COL6A3: variants seen among roughly 807,000 people sequenced by gnomAD.
The protein encoded by COL6A3 is collagen type VI alpha 3 chain, also known as collagen alpha-3(VI) chain.
A neutral mutation model predicts 274.1 loss-of-function variants in COL6A3; 137 were observed. The observed-to-expected ratio is 0.50, with a 90% CI of 0.44 to 0.58. COL6A3 has a LOEUF of 0.58. Among genes scored for constraint, COL6A3 ranks in the 20% least tolerant of loss-of-function variants. COL6A3 has a pLI of 0.00. For synonymous variants in COL6A3, 1,650 were observed against 1,650.6 expected (o/e 1.00, Z 0.01); for missense variants, 3,950 against 4,124.9 (o/e 0.96, Z 1.16).
chr2:237,336,174 T>C lies in COL6A3; in HGVS notation c.8926A>G (p.Lys2976Glu). Residue 2976 changes from lysine to glutamate, a missense_variant, in exon 40 of 44, where the codon AAA becomes GAA. Coordinates refer to ENST00000295550, the MANE Select transcript of COL6A3 (RefSeq NM_004369.4). Reference protein sequence around the residue: ...KPEVPRPQAAKPAATKPATTK... With the variant: ...KPEVPRPQAAEPAATKPATTK... ...GTGGCTGGCTTGGTGGCAGCTGGTT[T>C]GGCTGCCTGTGGCCTAGGGACCTCA... 1 of 1,613,556 alleles carries C rather than the reference T, an allele frequency of 6.2e-7. No homozygotes were observed. Among genetic ancestry groups the C allele is most frequent in the Non-Finnish European group, 8.5e-7 (1 of 1,179,992 alleles).
intron 29 of COL6A3, 112 bp from the exon 30 acceptor site, chr2:237,348,496 C>G (rs967332380): frequency 7.4e-7 from 1 of 1,356,878 alleles, no homozygotes; most frequent in Admixed American, 1.8e-5. Context: ...AAAACACTCA[C>G]TCAAATACAA....
chr2:237,340,882 G>A lies in COL6A3; in HGVS notation c.8034C>T (p.Ala2678=), dbSNP rs1296305636. ...ATTCCACCTTCACAGGTGGCATGCT[G>A]GCATTGTCCACGGACTCAGAGGGCG... ...QHAPSESVDN[A]SMPPVKVEFS... The change falls in exon 38 of 44, where the codon GCC becomes GCT. Residue 2678 remains alanine (A), a synonymous_variant. Coordinates refer to ENST00000295550, the MANE Select transcript of COL6A3 (RefSeq NM_004369.4). 1 of 1,613,752 alleles carries A rather than the reference G, an allele frequency of 6.2e-7. No individual in the cohort carries two copies. The highest frequency in any genetic ancestry group is 8.5e-7 in the Non-Finnish European group (1 of 1,179,686).
rs146583014 is a variant in COL6A3, at chr2:237,370,449, G to A, written c.4286-1272C>T. ...AGATGGGGTTTCACCATATTGACCA[G>A]GCTGGTCTCGAACTCCTGGCCTCAT... On this transcript the variant is annotated intron_variant, in intron 9 of 43. Coordinates refer to ENST00000295550, the MANE Select transcript of COL6A3 (RefSeq NM_004369.4). Among the ~76,000 whole-genome samples the A allele has an allele frequency of 1.1e-3, 162 of 152,016 alleles. 4 individuals carry two copies. In the East Asian group the frequency reaches 0.029, roughly 27 times the overall value.
chr2:237,332,054 T>A (rs1434529175), intron 42 of COL6A3, among the ~76,000 whole-genome samples: 2 of 109,876 alleles, frequency 1.8e-5, no homozygotes, highest in African/African-American at 6.5e-5. Flanking sequence ...TCCCCCCATC[T>A]CTCTCTCTCT....
chr2:237,376,659 T>G (rs1191252461), intron 7 of COL6A3, 113 bp downstream of exon 7: 7 of 1,061,230 alleles, frequency 6.6e-6, no homozygotes, highest in Admixed American at 1.7e-5. Context: ...ATTTTCCACC[T>G]TTCCTGTAAA....
At chr2:237,408,394 G>C (rs1403701293) in intron 1 of COL6A3, among the ~76,000 whole-genome samples, 1 of 152,168 alleles carries the variant, frequency 6.6e-6, no homozygotes, top group East Asian at 1.9e-4. Context: ...TGGGTTTTCT[G>C]CAGCCCCAGT....
intron 5 of COL6A3, among the ~76,000 whole-genome samples, chr2:237,380,238 G>A (rs1317773938): frequency 6.6e-6 from 1 of 152,222 alleles, no homozygotes; most frequent in Non-Finnish European, 1.5e-5. Flanking sequence ...AGTCTGCAAG[G>A]TGGGAAAGCA....
chr2:237,339,117 C>G lies in COL6A3; in HGVS notation c.8465G>C (p.Ser2822Thr). The G allele has an allele frequency of 6.2e-7, 1 of 1,609,706 alleles. No individual in the cohort carries two copies. Among genetic ancestry groups the G allele is most frequent in the South Asian group, 1.1e-5 (1 of 90,920 alleles). Residue 2822 changes from serine to threonine, a missense_variant and splice_region_variant, in exon 39 of 44, where the codon AGT (serine) becomes ACT (threonine). Transcript: ENST00000295550. Reference protein sequence around the residue: ...FGRLLPSFVSSENAFYLSPDI... With the variant: ...FGRLLPSFVSTENAFYLSPDI... ...TGGGGACAAGTAAAAAGCATTTTCACCTAAAGAAAAAAAACAAAGAAAACA... is the reference window on the plus strand; with the variant it reads ...TGGGGACAAGTAAAAAGCATTTTCAGCTAAAGAAAAAAAACAAAGAAAACA...
intron 31 of COL6A3, 37 bp downstream of exon 31, chr2:237,347,770 C>A (rs749811281): frequency 6.3e-7 from 1 of 1,586,844 alleles, no homozygotes; most frequent in African/African-American, 1.3e-5. Flanking sequence ...CATACGTTCT[C>A]ATTCCTCACC....
intron 3 of COL6A3, among the ~76,000 whole-genome samples, chr2:237,393,085 G>A (rs2078333940): frequency 6.6e-6 from 1 of 152,130 alleles, no homozygotes; most frequent in African/African-American, 2.4e-5. Context: ...CACCATGGCA[G>A]GCTGTTTCAG....
chr2:237,350,289 G>T, intron 27 of COL6A3, 80 bp from the exon 28 acceptor site: 1 of 1,349,114 alleles, frequency 7.4e-7, no homozygotes, highest in Non-Finnish European at 1.1e-6. Context: ...TTTTGCTCTA[G>T]GTAAGGGTGC....
chr2:237,393,549 C>T (rs963987915), intron 3 of COL6A3, among the ~76,000 whole-genome samples: 8 of 152,130 alleles, frequency 5.3e-5, no homozygotes, highest in African/African-American at 1.9e-4. Flanking sequence ...TGGAGCTCAA[C>T]TCTCCCCCTG....
chr2:237,361,856 T>C lies in COL6A3; in HGVS notation c.6064-25A>G. On this transcript the variant is annotated intron_variant, in intron 14 of 43. Transcript: ENST00000295550. The surrounding 1 kb of genome is among the most constrained non-coding windows in gnomAD (Gnocchi z 5.1). ...CCTACCGAAAGGAAGAGAAACCAAATGTTCAGATCTCAAGAAATGCCCAGC... is the reference window on the plus strand; with the variant it reads ...CCTACCGAAAGGAAGAGAAACCAAACGTTCAGATCTCAAGAAATGCCCAGC... 2.5e-6 allele frequency: 4 copies of C among 1,596,770 alleles called. No homozygotes were observed. Among genetic ancestry groups the C allele is most frequent in the Middle Eastern group, 1.7e-4 (1 of 6,032 alleles).
chr2:237,347,104 T>C (rs1440758821), intron 31 of COL6A3, among the ~76,000 whole-genome samples: 1 of 151,830 alleles, frequency 6.6e-6, no homozygotes, highest in East Asian at 1.9e-4. Context: ...AGAGGGTGAG[T>C]AAACATCCAT....
intron 12 of COL6A3, among the ~76,000 whole-genome samples, chr2:237,365,365 T>G (rs1263014414): frequency 1.3e-5 from 2 of 152,082 alleles, no homozygotes; most frequent in African/African-American, 4.8e-5. Context: ...TGCATGTATA[T>G]ACACACATGC....
intron 27 of COL6A3, 22 bp downstream of exon 27, chr2:237,351,108 C>A: frequency 6.2e-7 from 1 of 1,613,386 alleles, no homozygotes; most frequent in Non-Finnish European, 8.5e-7. Flanking sequence ...CTCAGGAAAG[C>A]TCTACCTTTC....
intron 42 of COL6A3, among the ~76,000 whole-genome samples, chr2:237,331,765 G>A (rs1041043361): frequency 6.6e-6 from 1 of 150,722 alleles, no homozygotes; most frequent in South Asian, 2.1e-4. Context: ...CCCTGGGAAG[G>A]AAAACACACA....
chr2:237,358,603 G>A lies in COL6A3; in HGVS notation c.6409-20C>T. The A allele has an allele frequency of 6.2e-7, 1 of 1,605,994 alleles. No individual in the cohort carries two copies. Among genetic ancestry groups the A allele is most frequent in the Non-Finnish European group, 8.5e-7 (1 of 1,172,872 alleles). On this transcript the variant is annotated intron_variant, in intron 20 of 43. Coordinates refer to ENST00000295550, the MANE Select transcript of COL6A3 (RefSeq NM_004369.4). The stretch of plus-strand genomic sequence containing the variant: ...ATCACCCTAAAGAAAAAGCACAAGT[G>A]GATGCTAAAAACTAGATGTTTCCAT...
intron 1 of COL6A3, among the ~76,000 whole-genome samples, chr2:237,401,994 A>G (rs1291084388): frequency 6.6e-6 from 1 of 152,122 alleles, no homozygotes. Flanking sequence ...CTACTGTATT[A>G]TACTAAGTCT....
Sources: allele counts gnomAD v4.1 joint callset (sites outside exome capture counted in the v4.1 genomes callset), GRCh38; gene constraint gnomAD v4.1.1; non-coding constraint Gnocchi (gnomAD v3.1); transcripts MANE v1.5; gene names NCBI Gene and HGNC (gene_info 2026-07-23, HGNC 2026-07-21).